Variants in ALK observed in about 807,000 individuals in gnomAD.
ALK encodes ALK tyrosine kinase receptor.
A neutral mutation model predicts 163.1 loss-of-function variants in ALK; 74 were observed. The observed-to-expected ratio is 0.45, with a 90% CI of 0.38 to 0.55. The LOEUF (loss-of-function observed/expected upper bound fraction) is 0.55, where lower values mean the gene tolerates loss of function less well. ALK is among the 20% of genes least tolerant of loss of function. The probability of loss-of-function intolerance (pLI) is 0.00; values close to 1 mark genes in which losing one functional copy is unlikely to be tolerated. For missense variants in ALK, 2,063 were observed against 2,105.3 expected (o/e 0.98, Z 0.39); for synonymous variants, 960 against 843.2 (o/e 1.14, Z -2.40).
At chr2:29,714,779 T>C (rs1679199738) in intron 2 of ALK, among the ~76,000 whole-genome samples, 1 of 152,200 alleles carries the variant, frequency 6.6e-6, no homozygotes, top group Non-Finnish European at 1.5e-5. Context: ...TTGTTAACAT[T>C]TCTTAAAATG....
chr2:29,498,645 G>T (rs1425067418), intron 4 of ALK, among the ~76,000 whole-genome samples: 2 of 152,216 alleles, frequency 1.3e-5, no homozygotes, highest in Non-Finnish European at 2.9e-5. Context: ...ATGGCCTTTT[G>T]CTTATGCATC....
At chr2:29,394,081 A>G (rs188140740) in intron 4 of ALK, among the ~76,000 whole-genome samples, 1 of 152,324 alleles carries the variant, frequency 6.6e-6, no homozygotes, top group African/African-American at 2.4e-5. Context: ...TAATCAACAG[A>G]CCACACCACA....
At chr2:29,209,596 C>A (rs1273417151) in intron 25 of ALK, among the ~76,000 whole-genome samples, 190 bp downstream of exon 25, 1 of 151,616 alleles carries the variant, frequency 6.6e-6, no homozygotes, top group East Asian at 1.9e-4. Flanking sequence ...AAGTGTGATC[C>A]CAGATTTAGG....
In ALK at chr2:29,287,115, C is replaced by T. The variant is rs751073713; in HGVS notation, c.1817+9773G>A. 2.6e-5 allele frequency among the ~76,000 whole-genome samples: 4 copies of T among 152,282 alleles called. No homozygotes were observed. In the South Asian group the frequency reaches 8.3e-4, roughly 32 times the overall value. ...AAAGCTAAGAAACTCATCCACAGAA[C>T]CTTGAACGCTTCTTGTGTGCACCAT... On this transcript the variant is annotated intron_variant, in intron 9 of 28. Coordinates refer to ENST00000389048, the MANE Select transcript of ALK (RefSeq NM_004304.5).
intron 1 of ALK, among the ~76,000 whole-genome samples, chr2:29,873,293 C>T (rs1178845885): frequency 3.9e-5 from 6 of 152,276 alleles, no homozygotes; most frequent in East Asian, 1.9e-4. Flanking sequence ...TCCCAAATAC[C>T]ATATCCAGAG....
At chr2:29,667,190 A>G (rs1573539716) in intron 3 of ALK, among the ~76,000 whole-genome samples, 1 of 152,216 alleles carries the variant, frequency 6.6e-6, no homozygotes, top group Middle Eastern at 3.4e-3. Flanking sequence ...TCTTTTGGAT[A>G]TACACCCAGT....
intron 2 of ALK, among the ~76,000 whole-genome samples, chr2:29,711,908 T>C (rs1331520154): frequency 6.6e-6 from 1 of 152,224 alleles, no homozygotes; most frequent in African/African-American, 2.4e-5. Context: ...TGACTTGTTT[T>C]TCTCACCTTT....
intron 6 of ALK, 81 bp from the exon 7 acceptor site, chr2:29,320,963 G>A (rs1667023963): frequency 1.3e-6 from 2 of 1,556,430 alleles, no homozygotes; most frequent in Non-Finnish European, 1.8e-6. Flanking sequence ...AATTAGCCAG[G>A]CATGACCAAA....
chr2:29,676,360 G>T (rs546711360), intron 3 of ALK, among the ~76,000 whole-genome samples: 10 of 151,978 alleles, frequency 6.6e-5, no homozygotes, highest in African/African-American at 2.4e-4. Flanking sequence ...GTTAATTTTT[G>T]TGTATGGTAT....
rs531185191 is a variant in ALK at position 29,355,673 on chromosome 2, T to A, written c.1283-27192A>T. ...GTTCTGCTGATTCGATCTCATCTAA[T>A]TAAAAGTCACTGAACTGTCAGAAGT... On this transcript the variant is annotated intron_variant, in intron 5 of 28. Coordinates refer to ENST00000389048, the MANE Select transcript of ALK (RefSeq NM_004304.5). 2.0e-5 allele frequency among the ~76,000 whole-genome samples: 3 copies of A among 152,326 alleles called. No individual in the cohort carries two copies. In the East Asian group the frequency reaches 5.8e-4, roughly 29 times the overall value.
At chr2:29,319,990 G>A (rs569300837) in intron 7 of ALK, among the ~76,000 whole-genome samples, 1 of 152,354 alleles carries the variant, frequency 6.6e-6, no homozygotes, top group East Asian at 1.9e-4. Flanking sequence ...ACCAGGGCCT[G>A]CCCGGGTCCC....
intron 5 of ALK, among the ~76,000 whole-genome samples, chr2:29,367,301 AG>A (rs1668531638): frequency 1.3e-5 from 2 of 152,312 alleles, no homozygotes; most frequent in South Asian, 4.1e-4. Flanking sequence ...AATATTTTCA[AG>A]ATTAAGAAGG....
chr2:29,457,862 G>A (rs1392966646), intron 4 of ALK, among the ~76,000 whole-genome samples: 1 of 152,000 alleles, frequency 6.6e-6, no homozygotes, highest in African/African-American at 2.4e-5. Context: ...TAGGTGCCTT[G>A]TACAAGGTAC....
chr2:29,503,439 C>T (rs557617313), intron 4 of ALK, among the ~76,000 whole-genome samples: 11 of 152,252 alleles, frequency 7.2e-5, no homozygotes, highest in Middle Eastern at 6.8e-3. Flanking sequence ...ATGGAAAAGC[C>T]GTGATATCTT....
At chr2:29,221,117 G>C (rs1427295153) in intron 22 of ALK, 2 of 587,494 alleles carry the variant, frequency 3.4e-6, no homozygotes, top group Admixed American at 4.4e-5. Flanking sequence ...AGTGTCTCAG[G>C]GGGCAGGAGA....
intron 3 of ALK, among the ~76,000 whole-genome samples, chr2:29,576,865 C>T (rs941500399): frequency 5.9e-5 from 9 of 151,836 alleles, no homozygotes; most frequent in Non-Finnish European, 1.2e-4. Flanking sequence ...CTCCCACCAC[C>T]CCCAGATGGG....
intron 3 of ALK, among the ~76,000 whole-genome samples, chr2:29,589,269 A>C (rs1674979040): frequency 6.6e-6 from 1 of 152,182 alleles, no homozygotes; most frequent in Non-Finnish European, 1.5e-5. Flanking sequence ...TTCTCCAGGT[A>C]GGAGATGGGG....
At chr2:29,579,214 T>A (rs1488397365) in intron 3 of ALK, among the ~76,000 whole-genome samples, 1 of 152,242 alleles carries the variant, frequency 6.6e-6, no homozygotes, top group Non-Finnish European at 1.5e-5. Context: ...TGACCTTGTG[T>A]TAGCAATTTT....
intron 2 of ALK, among the ~76,000 whole-genome samples, chr2:29,713,039 T>A (rs2631973): frequency 1.3e-5 from 2 of 151,952 alleles, no homozygotes; most frequent in Non-Finnish European, 2.9e-5. Context: ...GGCAGGGCCA[T>A]GCTCTCTCTG....
Sources: gnomAD v4.1 joint callset for allele counts (sites outside exome capture counted in the v4.1 genomes callset) on GRCh38, gnomAD v4.1.1 for gene constraint, MANE v1.5 for transcripts, NCBI Gene and HGNC (gene_info 2026-07-23, HGNC 2026-07-21) for gene names.